The following UBE2R2 variants were observed in gnomAD, a reference collection of about 807,000 sequenced individuals.
The protein encoded by UBE2R2 is ubiquitin conjugating enzyme E2 R2.
Under a neutral mutation model 27.8 loss-of-function variants are expected in UBE2R2, and 1 was observed. The ratio of observed to expected loss-of-function variants is 0.04; its 90% confidence interval spans 0.01 to 0.17. The LOEUF (loss-of-function observed/expected upper bound fraction) is 0.17. Among genes scored for constraint, UBE2R2 ranks in the 10% least tolerant of loss-of-function variants. The pLI is 1.00. For synonymous variants in UBE2R2, 106 were observed against 113.3 expected (o/e 0.94, Z 0.41); for missense variants, 100 against 291.0 (o/e 0.34, Z 4.78).
At chr9:33,891,491 GA>G (rs949602929) in intron 2 of UBE2R2, among the ~76,000 whole-genome samples, 4 of 151,902 alleles carry the variant, frequency 2.6e-5, no homozygotes, top group African/African-American at 9.7e-5. Context: ...ACTAAAAATA[GA>G]AAAAATTAGC....
intron 1 of UBE2R2, among the ~76,000 whole-genome samples, chr9:33,877,711 A>G (rs563573377): frequency 7.2e-5 from 11 of 152,264 alleles, no homozygotes; most frequent in African/African-American, 2.6e-4. Flanking sequence ...TAAAGCTGGT[A>G]GTATTATAAT....
At chr9:33,843,704 C>G (rs1406880894) in intron 1 of UBE2R2, among the ~76,000 whole-genome samples, 2 of 152,038 alleles carry the variant, frequency 1.3e-5, no homozygotes, top group Non-Finnish European at 2.9e-5. Flanking sequence ...ATCTTGAACT[C>G]CTGACCTCAA....
intron 1 of UBE2R2, chr9:33,868,562 G>A (rs1263637002): frequency 6.6e-6 from 1 of 152,288 alleles, no homozygotes; most frequent in South Asian, 2.0e-4. Flanking sequence ...TTGGGGTTGC[G>A]CTGCTGTCCA....
chr9:33,885,993 G>C (rs1245841647), intron 1 of UBE2R2, among the ~76,000 whole-genome samples: 1 of 152,132 alleles, frequency 6.6e-6, no homozygotes, highest in Non-Finnish European at 1.5e-5. Context: ...ACATTTGATG[G>C]AGTATAATGC....
At chr9:33,882,274 A>G (rs1051127992) in intron 1 of UBE2R2, among the ~76,000 whole-genome samples, 3 of 152,010 alleles carry the variant, frequency 2.0e-5, no homozygotes, top group African/African-American at 7.2e-5. Context: ...TTATTGAATA[A>G]TGATATTTTA....
chr9:33,913,536 A>G (rs1822545151), intron 4 of UBE2R2, among the ~76,000 whole-genome samples: 1 of 152,190 alleles, frequency 6.6e-6, no homozygotes, highest in Non-Finnish European at 1.5e-5. Context: ...CTCTGGGATT[A>G]TAGGTGTGAG....
chr9:33,917,354 CA>C lies in UBE2R2; in HGVS notation c.*118del. ...CCTATTCACAGCGGGTGGGGAAACACACACAGCTCCTGCTGACTCCCCTTAT... is the reference window on the plus strand; with the variant it reads ...CCTATTCACAGCGGGTGGGGAAACACCACAGCTCCTGCTGACTCCCCTTAT... On this transcript the variant is annotated 3_prime_UTR_variant, in exon 5 of 5. Transcript: ENST00000263228. 1.4e-6 allele frequency: 2 copies of C among 1,480,004 alleles called. No individual in the cohort carries two copies. Among genetic ancestry groups the C allele is most frequent in the Non-Finnish European group, 1.8e-6 (2 of 1,102,356 alleles). The allele number at this position is 1,480,004 out of a possible 1,614,324, so 91.7% of individuals were successfully genotyped here. A position where few individuals can be genotyped will look rare whatever the true frequency, so the allele number is the denominator to read the frequency against.
chr9:33,900,621 G>C (rs1570779), intron 3 of UBE2R2, among the ~76,000 whole-genome samples: 61,843 of 151,908 alleles, frequency 0.41, 12,942 homozygotes, highest in African/African-American at 0.49. Context: ...TTCATTATAA[G>C]TAACTGAAGT....
chr9:33,854,617 C>T (rs1050308115), intron 1 of UBE2R2, among the ~76,000 whole-genome samples: 3 of 151,990 alleles, frequency 2.0e-5, no homozygotes, highest in Non-Finnish European at 2.9e-5. Context: ...CCACTGTGCC[C>T]AGCCCAGAAT....
chr9:33,880,968 T>G (rs540093568), intron 1 of UBE2R2, among the ~76,000 whole-genome samples: 2 of 152,324 alleles, frequency 1.3e-5, no homozygotes, highest in South Asian at 4.1e-4. Context: ...CAGTCCCTGG[T>G]GCCAAAAGGG....
At chr9:33,824,802 C>CAA (rs1172352568) in intron 1 of UBE2R2, among the ~76,000 whole-genome samples, 49 of 77,020 alleles carry the variant, frequency 6.4e-4, no homozygotes, top group African/African-American at 1.5e-3. Flanking sequence ...AGCTCTGTCT[C>CAA]AAAAAAAAAA....
chr9:33,819,588 T>G (rs1825926758), intron 1 of UBE2R2, among the ~76,000 whole-genome samples: 3 of 152,234 alleles, frequency 2.0e-5, no homozygotes, highest in Admixed American at 2.0e-4. Context: ...CAAATATAAA[T>G]TTTTATGCAT....
intron 1 of UBE2R2, among the ~76,000 whole-genome samples, chr9:33,877,846 T>TCTCCCA (rs1563997798): frequency 2.0e-5 from 3 of 151,438 alleles, no homozygotes. Context: ...TCTCTCTCTC[T>TCTCCCA]CTCCCACTCT....
chr9:33,847,076 A>C (rs958847005), intron 1 of UBE2R2, among the ~76,000 whole-genome samples: 8 of 148,690 alleles, frequency 5.4e-5, no homozygotes, highest in Non-Finnish European at 8.9e-5. Context: ...AGTACTATGA[A>C]GTTTTCATTT....
intron 1 of UBE2R2, among the ~76,000 whole-genome samples, chr9:33,878,816 A>G (rs528415172): frequency 6.6e-6 from 1 of 152,264 alleles, no homozygotes; most frequent in South Asian, 2.1e-4. Context: ...GCTAACTTGC[A>G]GGTGTGTGGT....
chr9:33,849,375 A>G (rs917832073), intron 1 of UBE2R2, among the ~76,000 whole-genome samples: 1 of 152,164 alleles, frequency 6.6e-6, no homozygotes, highest in Non-Finnish European at 1.5e-5. Flanking sequence ...ACACAAACAT[A>G]TATATGTATA....
chr9:33,854,510 C>T (rs1031319973), intron 1 of UBE2R2, among the ~76,000 whole-genome samples: 4 of 151,834 alleles, frequency 2.6e-5, no homozygotes, highest in Non-Finnish European at 5.9e-5. Flanking sequence ...TTTGTAGAGA[C>T]GGGGTTTTAC....
At chr9:33,819,404 G>GA (rs1825920928) in intron 1 of UBE2R2, among the ~76,000 whole-genome samples, 1 of 152,148 alleles carries the variant, frequency 6.6e-6, no homozygotes, top group South Asian at 2.1e-4. Flanking sequence ...CACGTTTTTA[G>GA]AATATTATGT....
At position 33,903,788 on chromosome 9, in the gene UBE2R2, A is replaced by T. The variant is rs117834693; in HGVS notation, c.362+3517A>T. ...AGGCCACCTGAGCCACAATTTAGGG[A>T]CATTCCCCATACTCAAATCAAGATT... On this transcript the variant is annotated intron_variant, in intron 3 of 4. Coordinates refer to ENST00000263228, the MANE Select transcript of UBE2R2 (RefSeq NM_017811.4). Among the ~76,000 whole-genome samples, 713 of 152,232 alleles carry T rather than the reference A, an allele frequency of 4.7e-3. 2 individuals carry two copies. Among genetic ancestry groups the T allele is most frequent in the Non-Finnish European group, 8.0e-3 (542 of 68,024 alleles).
Sources: allele counts gnomAD v4.1 joint callset (sites outside exome capture counted in the v4.1 genomes callset), GRCh38; gene constraint gnomAD v4.1.1; transcripts MANE v1.5; gene names NCBI Gene and HGNC (gene_info 2026-07-23, HGNC 2026-07-21).